Variants in NRXN3 observed in about 807,000 individuals in gnomAD.
NRXN3 encodes the protein neurexin III.
A neutral mutation model predicts 137.6 loss-of-function variants in NRXN3; 32 were observed. The observed-to-expected ratio is 0.23, with a 90% confidence interval of 0.18 to 0.31. NRXN3 has a LOEUF of 0.31. NRXN3 is among the 10% of genes least tolerant of loss of function. The pLI, the probability that NRXN3 is intolerant of heterozygous loss-of-function variation, is 1.00. For synonymous variants in NRXN3, 798 were observed against 784.5 expected, an observed-to-expected ratio of 1.02 and a Z score of -0.29; for missense variants, 1,574 against 2,062.5, an observed-to-expected ratio of 0.76 and a Z score of 4.59.
At chr14:79,283,628 G>T (rs929656399) in intron 15 of NRXN3, among the ~76,000 whole-genome samples, 4 of 151,754 alleles carry the variant, frequency 2.6e-5, no homozygotes, top group African/African-American at 9.7e-5. Flanking sequence ...ACTTACCTGG[G>T]GTGCCCCCAA....
intron 15 of NRXN3, among the ~76,000 whole-genome samples, chr14:79,404,321 T>C (rs1478849740): frequency 6.6e-6 from 1 of 152,186 alleles, no homozygotes; most frequent in East Asian, 1.9e-4. Flanking sequence ...TAATTGTCCT[T>C]TGAAACCATT....
chr14:78,944,133 G>C (rs547372345), intron 10 of NRXN3, among the ~76,000 whole-genome samples: 1 of 152,226 alleles, frequency 6.6e-6, no homozygotes, highest in African/African-American at 2.4e-5. Context: ...TAATGGAGTG[G>C]AGTCTGATGC....
chr14:78,650,078 G>A (rs2097725643), intron 5 of NRXN3, among the ~76,000 whole-genome samples: 1 of 151,976 alleles, frequency 6.6e-6, no homozygotes, highest in Admixed American at 6.6e-5. Context: ...GGTTGGGTTT[G>A]GACTTTTTCT....
At chr14:79,720,085 T>C (rs551417550) in intron 19 of NRXN3, among the ~76,000 whole-genome samples, 7 of 152,176 alleles carry the variant, frequency 4.6e-5, no homozygotes, top group Admixed American at 4.6e-4. Context: ...GACTGGGTAA[T>C]TTATAAAGGA....
At chr14:79,659,712 C>G (rs1278795045) in intron 16 of NRXN3, among the ~76,000 whole-genome samples, 1 of 151,176 alleles carries the variant, frequency 6.6e-6, no homozygotes, top group Non-Finnish European at 1.5e-5. Context: ...GAGGTAACAA[C>G]TGGCCCCTCT....
intron 15 of NRXN3, among the ~76,000 whole-genome samples, chr14:79,329,221 A>G (rs989640151): frequency 2.6e-5 from 4 of 152,026 alleles, no homozygotes; most frequent in Non-Finnish European, 5.9e-5. Context: ...AGAATCTTCT[A>G]CTCCCGGGGT....
Position 78,581,371 on chromosome 14 carries a change from CT to C in NRXN3, c.758-63748del, listed in dbSNP as rs34426242. ...TTTCATGTCTGCTGAGGGCTGCTCT[CT>C]GCTTCCGGGACGACAGCTTGTTGCT... is the stretch of plus-strand genomic sequence containing the variant. On this transcript the variant is annotated intron_variant, in intron 4 of 20. Coordinates refer to ENST00000335750, the MANE Select transcript of NRXN3 (RefSeq NM_001330195.2). Among the ~76,000 whole-genome samples the C allele has an allele frequency of 4.5e-3, 685 of 152,318 alleles. 17 individuals are homozygous for C. In the East Asian group the frequency reaches 0.091, roughly 20 times the overall value.
rs74333273 is a variant in NRXN3, at chr14:78,289,631, G to A, written c.728-8200G>A. ...ATGTACAACTTTAAAAACGCTCGAT[G>A]GGGGCCAGGCGTGGTGGCTCACACC... On this transcript the variant is annotated intron_variant, in intron 3 of 20. Coordinates refer to ENST00000335750, the MANE Select transcript of NRXN3 (RefSeq NM_001330195.2). 2.1e-3 allele frequency among the ~76,000 whole-genome samples: 312 copies of A among 151,742 alleles called. 2 individuals carry two copies. The highest frequency in any genetic ancestry group is 7.2e-3 in the African/African-American group (300 of 41,380).
intron 4 of NRXN3, among the ~76,000 whole-genome samples, chr14:78,639,035 T>A (rs1259790793): frequency 6.6e-6 from 1 of 152,194 alleles, no homozygotes; most frequent in Non-Finnish European, 1.5e-5. Flanking sequence ...ACCTCCAACC[T>A]CTGATTGCAG....
intron 15 of NRXN3, among the ~76,000 whole-genome samples, chr14:79,212,559 C>T (rs2067834215): frequency 6.6e-6 from 1 of 152,122 alleles, no homozygotes; most frequent in African/African-American, 2.4e-5. Flanking sequence ...CAGAGGATGC[C>T]AGGCCTGTTA....
chr14:79,402,621 A>C (rs1214594249), intron 15 of NRXN3, among the ~76,000 whole-genome samples: 3 of 152,182 alleles, frequency 2.0e-5, no homozygotes. Context: ...TCAGATGAAA[A>C]TATTTGGAAG....
chr14:78,266,574 A>G (rs568451843), intron 2 of NRXN3, among the ~76,000 whole-genome samples: 7 of 152,058 alleles, frequency 4.6e-5, no homozygotes, highest in Admixed American at 6.6e-5. Flanking sequence ...TGGGATTACA[A>G]GCATGAGCCA....
intron 4 of NRXN3, among the ~76,000 whole-genome samples, chr14:78,371,662 C>T (rs2086851117): frequency 6.6e-6 from 1 of 152,214 alleles, no homozygotes; most frequent in African/African-American, 2.4e-5. Flanking sequence ...CTGGCCCCGA[C>T]ACCCACTCGC....
intron 8 of NRXN3, among the ~76,000 whole-genome samples, chr14:78,731,849 G>A (rs1396693485): frequency 8.0e-6 from 1 of 125,378 alleles, no homozygotes; most frequent in African/African-American, 2.9e-5. Flanking sequence ...AGTGTTATAT[G>A]ATCTTTGTCT....
intron 4 of NRXN3, among the ~76,000 whole-genome samples, chr14:78,359,658 G>A (rs965156847): frequency 6.6e-6 from 1 of 152,228 alleles, no homozygotes; most frequent in East Asian, 1.9e-4. Flanking sequence ...GGGTGTGGAC[G>A]ATGCCTTGAT....
At chr14:79,490,695 G>T (rs181236684) in intron 16 of NRXN3, among the ~76,000 whole-genome samples, 1 of 151,730 alleles carries the variant, frequency 6.6e-6, no homozygotes, top group African/African-American at 2.4e-5. Flanking sequence ...TGGGGGAGGT[G>T]GGGGTGGTTA....
chr14:78,503,250 G>T (rs1299428198), intron 4 of NRXN3, among the ~76,000 whole-genome samples: 3 of 152,124 alleles, frequency 2.0e-5, no homozygotes, highest in Non-Finnish European at 2.9e-5. Flanking sequence ...AAAGCTACTT[G>T]TATAAATTAA....
chr14:79,825,849 T>G (rs1195625268), intron 20 of NRXN3, among the ~76,000 whole-genome samples: 1 of 152,202 alleles, frequency 6.6e-6, no homozygotes, highest in South Asian at 2.1e-4. Context: ...TCATGGTTGT[T>G]TCTTCTGATG....
At chr14:79,755,544 T>G (rs1568129627) in intron 19 of NRXN3, among the ~76,000 whole-genome samples, 1 of 152,088 alleles carries the variant, frequency 6.6e-6, no homozygotes, top group South Asian at 2.1e-4. Context: ...TTTTTTTTTT[T>G]TTTGCTAGAA....
Sources: gnomAD v4.1 joint callset for allele counts (sites outside exome capture counted in the v4.1 genomes callset) on GRCh38, gnomAD v4.1.1 for gene constraint, MANE v1.5 for transcripts, NCBI Gene and HGNC (gene_info 2026-07-23, HGNC 2026-07-21) for gene names.